NCOA6: variants seen among roughly 807,000 people sequenced by gnomAD.
NCOA6 encodes the protein NRC RAP250.
NCOA6 carries 49 observed loss-of-function variants against 171.4 expected under a neutral mutation model. The ratio of observed to expected loss-of-function variants is 0.29; its 90% CI spans 0.23 to 0.36. NCOA6 has a LOEUF of 0.36. Among genes scored for constraint, NCOA6 ranks in the 10% least tolerant of loss-of-function variants. NCOA6 has a pLI of 1.00. For missense variants in NCOA6, 2,248 were observed against 2,554.5 expected, an observed-to-expected ratio of 0.88 and a Z score of 2.59; for synonymous variants, 910 against 927.5, an observed-to-expected ratio of 0.98 and a Z score of 0.34.
chr20:34,816,686 C>G (rs1364654217), intron 1 of NCOA6, among the ~76,000 whole-genome samples: 1 of 151,992 alleles, frequency 6.6e-6, no homozygotes, highest in Non-Finnish European at 1.5e-5. Flanking sequence ...AGGTATGAGC[C>G]AGCTATTTGG....
At chr20:34,763,147 G>A (rs891620969) in intron 5 of NCOA6, among the ~76,000 whole-genome samples, 1 of 152,100 alleles carries the variant, frequency 6.6e-6, no homozygotes, top group Non-Finnish European at 1.5e-5. Flanking sequence ...GAGGACTTAC[G>A]TCTTTCATCC....
At chr20:34,800,010 C>T (rs1000149823) in intron 1 of NCOA6, among the ~76,000 whole-genome samples, 2 of 151,890 alleles carry the variant, frequency 1.3e-5, no homozygotes, top group African/African-American at 4.8e-5. Flanking sequence ...GACTAAGAGA[C>T]CAATTAAAAA....
chr20:34,821,374 C>T (rs1485030831), intron 1 of NCOA6: 1 of 152,134 alleles, frequency 6.6e-6, no homozygotes, highest in Non-Finnish European at 1.5e-5. Context: ...GTCTGTCGAC[C>T]TCTGACATAG....
At chr20:34,787,655 C>T (rs748365187) in intron 2 of NCOA6, among the ~76,000 whole-genome samples, 31 of 152,204 alleles carry the variant, frequency 2.0e-4, no homozygotes, top group Admixed American at 9.2e-4. Context: ...TGATGCAGGA[C>T]CGGCAAGCCT....
chr20:34,742,082 T>C lies in NCOA6; in HGVS notation c.4174A>G (p.Asn1392Asp). 6.2e-7 allele frequency: 1 copy of C among 1,614,148 alleles called. No homozygotes were observed. Among genetic ancestry groups the C allele is most frequent in the Non-Finnish European group, 8.5e-7 (1 of 1,180,006 alleles). ...ANPPVPGSFPNNSGLNPQNST... is the reference protein window; with the variant it reads ...ANPPVPGSFPDNSGLNPQNST... ...TTCTGAGGATTCAGCCCACTGTTGT[T>C]AGGAAAGCTCCCAGGTACAGGGGGA... Residue 1392 changes from asparagine (N) to aspartate (D), a missense_variant, in exon 11 of 15, where the codon AAC (asparagine) becomes GAC (aspartate). Transcript: ENST00000359003.
intron 13 of NCOA6, among the ~76,000 whole-genome samples, chr20:34,732,004 G>T (rs550957862): frequency 6.6e-6 from 1 of 152,362 alleles, no homozygotes; most frequent in African/African-American, 2.4e-5. Flanking sequence ...CTGGGTGATA[G>T]AGCAAGACTC....
rs368867575 is a variant in NCOA6, at chr20:34,748,731, TA to T, written c.2792+671del. ...ACGTTTACTGAAAGGGTAACTGATT[TA>T]AAAGGTCCAATCATCTTAGCGTGGG... On this transcript the variant is annotated intron_variant, in intron 9 of 14. Transcript: ENST00000359003. Among the ~76,000 whole-genome samples, 240 of 152,342 alleles carry T rather than the reference TA, an allele frequency of 1.6e-3. 5 individuals carry two copies. The South Asian group carries it at 0.029, about 19-fold the overall frequency.
At chr20:34,721,727 T>TG (rs1368094028) in intron 14 of NCOA6, among the ~76,000 whole-genome samples, 1 of 152,182 alleles carries the variant, frequency 6.6e-6, no homozygotes, top group Middle Eastern at 3.4e-3. Flanking sequence ...CACAGACCAC[T>TG]ACCAACCAGT....
chr20:34,739,824 TA>T (rs2076076137), intron 11 of NCOA6, among the ~76,000 whole-genome samples: 1 of 152,134 alleles, frequency 6.6e-6, no homozygotes, highest in Non-Finnish European at 1.5e-5. Flanking sequence ...AAATGAAAGG[TA>T]TCATTATTTC....
chr20:34,778,182 G>A (rs536414686), intron 3 of NCOA6, among the ~76,000 whole-genome samples: 21 of 151,924 alleles, frequency 1.4e-4, no homozygotes, highest in Admixed American at 3.3e-4. Flanking sequence ...GATTACAGGC[G>A]TGAGCCACTG....
At chr20:34,790,916 G>C (rs1011013317) in intron 2 of NCOA6, among the ~76,000 whole-genome samples, 3 of 152,178 alleles carry the variant, frequency 2.0e-5, no homozygotes, top group African/African-American at 7.2e-5. Flanking sequence ...CTCCCAAAGT[G>C]TTGGGATATC....
At chr20:34,788,593 C>A (rs947870493) in intron 2 of NCOA6, among the ~76,000 whole-genome samples, 3 of 152,160 alleles carry the variant, frequency 2.0e-5, no homozygotes, top group East Asian at 3.9e-4. Flanking sequence ...GGTGTTCAAG[C>A]CCTGCCTCTG....
intron 14 of NCOA6, among the ~76,000 whole-genome samples, chr20:34,724,618 G>C (rs1038022625): frequency 3.3e-5 from 5 of 152,088 alleles, no homozygotes; most frequent in African/African-American, 1.2e-4. Flanking sequence ...TCATTCTTCA[G>C]GTCTCAGCTT....
At chr20:34,776,484 C>T in intron 3 of NCOA6, 36 bp from the exon 4 acceptor site, 1 of 1,604,828 alleles carries the variant, frequency 6.2e-7, no homozygotes, top group African/African-American at 1.3e-5. Context: ...TATTAATAAT[C>T]TTTTAGCCAC....
At chr20:34,789,350 C>G (rs932191994) in intron 2 of NCOA6, among the ~76,000 whole-genome samples, 6 of 152,208 alleles carry the variant, frequency 3.9e-5, no homozygotes, top group African/African-American at 1.4e-4. Context: ...TAAAGCCCTA[C>G]AAGGAGGAAA....
At chr20:34,811,201 G>GAATATATATATA (rs1555858016) in intron 1 of NCOA6, among the ~76,000 whole-genome samples, 4 of 53,798 alleles carry the variant, frequency 7.4e-5, no homozygotes, top group Non-Finnish European at 1.5e-4. Flanking sequence ...ACAACAACGT[G>GAATATATATATA]TATATATATA....
intron 2 of NCOA6, among the ~76,000 whole-genome samples, chr20:34,789,783 T>G (rs953808025): frequency 6.6e-6 from 1 of 152,026 alleles, no homozygotes; most frequent in Middle Eastern, 3.2e-3. Flanking sequence ...AGAGTGAGAC[T>G]CTGTCTCAAA....
chr20:34,816,099 A>G (rs1315418182), intron 1 of NCOA6, among the ~76,000 whole-genome samples: 1 of 152,178 alleles, frequency 6.6e-6, no homozygotes, highest in Non-Finnish European at 1.5e-5. Context: ...TCACTATTTC[A>G]TTACCTAAAT....
At chr20:34,791,765 G>A (rs2077893432) in intron 2 of NCOA6, among the ~76,000 whole-genome samples, 2 of 152,060 alleles carry the variant, frequency 1.3e-5, no homozygotes, top group African/African-American at 2.4e-5. Flanking sequence ...GGGCACCAAG[G>A]CACATACCCA....
Sources: gnomAD v4.1 joint callset for allele counts (sites outside exome capture counted in the v4.1 genomes callset) on GRCh38, gnomAD v4.1.1 for gene constraint, MANE v1.5 for transcripts, NCBI Gene and HGNC (gene_info 2026-07-23, HGNC 2026-07-21) for gene names.